KDM7A: variants seen among roughly 807,000 people sequenced by gnomAD.
KDM7A encodes the protein lysine demethylase 7A.
Under a neutral mutation model 114.8 loss-of-function variants are expected in KDM7A, and 28 were observed. The observed-to-expected ratio is 0.24, with a 90% confidence interval of 0.18 to 0.33. The LOEUF is 0.33. KDM7A is among the 10% of genes least tolerant of loss of function. The probability of loss-of-function intolerance (pLI) is 1.00; values close to 1 mark genes in which losing one functional copy is unlikely to be tolerated. For synonymous variants in KDM7A, 423 were observed against 397.8 expected (o/e 1.06, Z -0.75); for missense variants, 942 against 1,142.5 (o/e 0.82, Z 2.53).
At chr7:140,174,335 C>T (rs1166117627) in intron 1 of KDM7A, among the ~76,000 whole-genome samples, 1 of 152,172 alleles carries the variant, frequency 6.6e-6, no homozygotes, top group African/African-American at 2.4e-5. Flanking sequence ...TTTAGACTCA[C>T]TTCCACAGAT....
chr7:140,168,653 A>G (rs1279284392), intron 1 of KDM7A, among the ~76,000 whole-genome samples: 5 of 152,224 alleles, frequency 3.3e-5, no homozygotes, highest in Non-Finnish European at 7.4e-5. Context: ...GACATACATT[A>G]AAGTCAGGTG....
At chr7:140,100,683 TATATACATATATATATATATATATAC>T (rs1818192451) in intron 12 of KDM7A, among the ~76,000 whole-genome samples, 1 of 36,596 alleles carries the variant, frequency 2.7e-5, no homozygotes, top group Non-Finnish European at 5.2e-5. Context: ...TATATATACA[TATATACATATATATATATATATATAC>T]ACATATATAT....
intron 9 of KDM7A, among the ~76,000 whole-genome samples, chr7:140,115,484 A>G (rs1465376377): frequency 6.6e-6 from 1 of 152,184 alleles, no homozygotes; most frequent in African/African-American, 2.4e-5. Flanking sequence ...CTGTTAATCT[A>G]TGACCTTACC....
In KDM7A at chr7:140,087,709, G is replaced by A. The variant is rs1817952612; in HGVS notation, c.*3385C>T. 1 of 152,158 alleles carries A rather than the reference G, an allele frequency of 6.6e-6. No individual in the cohort carries two copies. The highest frequency in any genetic ancestry group is 1.5e-5 in the Non-Finnish European group (1 of 68,026). The allele number at this position is 152,158 out of a possible 1,614,324, so 9.4% of individuals were successfully genotyped here. On this transcript the variant is annotated 3_prime_UTR_variant, in exon 20 of 20. Coordinates refer to ENST00000397560, the MANE Select transcript of KDM7A (RefSeq NM_030647.2). ...CCTAAATGGCAGAACTTCGACAAAAGCCCAGGTCTTCTGCTTCCTTGCATG... is the reference window on the plus strand; with the variant it reads ...CCTAAATGGCAGAACTTCGACAAAAACCCAGGTCTTCTGCTTCCTTGCATG...
At chr7:140,106,055 A>G (rs1770456430) in intron 11 of KDM7A, among the ~76,000 whole-genome samples, 1 of 152,146 alleles carries the variant, frequency 6.6e-6, no homozygotes, top group Non-Finnish European at 1.5e-5. Context: ...TATTTCTTCT[A>G]GATTTTCTAG....
Position 140,090,983 on chromosome 7 carries a change from T to G in KDM7A, c.*111A>C, listed in dbSNP as rs1005429764. On this transcript the variant is annotated 3_prime_UTR_variant, in exon 20 of 20. Transcript: ENST00000397560. ...CAGGTTCATTCTGTTCTTCGGGCAGTGTTCTTACTATACACACAAACTGCT... is the reference window on the plus strand; with the variant it reads ...CAGGTTCATTCTGTTCTTCGGGCAGGGTTCTTACTATACACACAAACTGCT... 86 of 740,208 alleles carry G rather than the reference T, an allele frequency of 1.2e-4. 1 individual carries two copies. The East Asian group carries it at 1.9e-3, about 17-fold the overall frequency. The allele number at this position is 740,208 out of a possible 1,614,324, so 45.9% of individuals were successfully genotyped here. A position where few individuals can be genotyped will look rare whatever the true frequency, so the allele number is the denominator to read the frequency against.
intron 1 of KDM7A, among the ~76,000 whole-genome samples, chr7:140,139,570 G>A (rs547525086): frequency 6.6e-6 from 1 of 152,066 alleles, no homozygotes; most frequent in African/African-American, 2.4e-5. Flanking sequence ...TTTGTGGGAT[G>A]AAGCACTTGT....
intron 3 of KDM7A, among the ~76,000 whole-genome samples, chr7:140,131,213 G>T (rs1818781211): frequency 6.6e-6 from 1 of 151,990 alleles, no homozygotes. Flanking sequence ...AGAATGGTTG[G>T]ATCTCCAGTT....
In KDM7A at chr7:140,100,067, T is replaced by A. The variant is rs777921214; in HGVS notation, c.1639-44A>T. On this transcript the variant is annotated intron_variant, in intron 12 of 19. Transcript: ENST00000397560. ...AACTTACTTACCATCCACCCTCAGG[T>A]AGCCCTGTTCGACTGATGGAATACA... The A allele has an allele frequency of 1.9e-6, 3 of 1,610,378 alleles. No individual in the cohort carries two copies. In the Admixed American group the frequency reaches 5.0e-5, roughly 27 times the overall value.
In KDM7A at chr7:140,089,971, A is replaced by G. The variant is rs1187241914; in HGVS notation, c.*1123T>C. 1 of 152,228 alleles carries G rather than the reference A, an allele frequency of 6.6e-6. No homozygotes were observed. The highest frequency in any genetic ancestry group is 1.5e-5 in the Non-Finnish European group (1 of 68,042). The allele number at this position is 152,228 out of a possible 1,614,324, so 9.4% of individuals were successfully genotyped here. On this transcript the variant is annotated 3_prime_UTR_variant, in exon 20 of 20. Coordinates refer to ENST00000397560, the MANE Select transcript of KDM7A (RefSeq NM_030647.2). ...TACGGCTTATGATGCAGATTTGAATATCCTAAATAACATTTCCCAACAAAT... is the reference window on the plus strand; with the variant it reads ...TACGGCTTATGATGCAGATTTGAATGTCCTAAATAACATTTCCCAACAAAT...
At chr7:140,175,689 G>A (rs1206362824) in intron 1 of KDM7A, among the ~76,000 whole-genome samples, 1 of 152,180 alleles carries the variant, frequency 6.6e-6, no homozygotes, top group Non-Finnish European at 1.5e-5. Flanking sequence ...TCGGCGGCCT[G>A]GCTGCGGAGG....
intron 7 of KDM7A, among the ~76,000 whole-genome samples, chr7:140,121,211 TG>T (rs1305312004): frequency 6.6e-6 from 1 of 152,236 alleles, no homozygotes; most frequent in African/African-American, 2.4e-5. Context: ...AATGATATTT[TG>T]TATTCCCATA....
intron 1 of KDM7A, among the ~76,000 whole-genome samples, chr7:140,168,291 C>G (rs960413917): frequency 6.6e-6 from 1 of 152,104 alleles, no homozygotes; most frequent in African/African-American, 2.4e-5. Context: ...CAAGGTCGGG[C>G]GTGGTGGCTC....
In KDM7A at chr7:140,139,095, T is replaced by C. The variant is rs755817234; in HGVS notation, c.280+10A>G. The C allele has an allele frequency of 3.2e-6, 5 of 1,568,496 alleles. No individual in the cohort carries two copies. In the Admixed American group the frequency reaches 5.0e-5, roughly 16 times the overall value. On this transcript the variant is annotated intron_variant, in intron 2 of 19. Coordinates refer to ENST00000397560, the MANE Select transcript of KDM7A (RefSeq NM_030647.2). ...AAATGTCCATTTTTATTTAAGCATCTAGTACTTACTCAAGGAGGAACCATG... is the reference window on the plus strand; with the variant it reads ...AAATGTCCATTTTTATTTAAGCATCCAGTACTTACTCAAGGAGGAACCATG...
chr7:140,086,765 G>A lies in KDM7A; in HGVS notation c.*4329C>T, dbSNP rs1817934293. 1 of 152,084 alleles carries A rather than the reference G, an allele frequency of 6.6e-6. No individual in the cohort carries two copies. The highest frequency in any genetic ancestry group is 1.5e-5 in the Non-Finnish European group (1 of 68,038). 9.4% of individuals were successfully genotyped at this position (152,084 alleles called of 1,614,324 possible). A position where few individuals can be genotyped will look rare whatever the true frequency, so the allele number is the denominator to read the frequency against. ...AATCACTGTCCACTCTGGGTTACCT[G>A]TGTCTCCTTTATTTACCAGCGACAC... On this transcript the variant is annotated 3_prime_UTR_variant, in exon 20 of 20. Coordinates refer to ENST00000397560, the MANE Select transcript of KDM7A (RefSeq NM_030647.2).
chr7:140,148,762 A>G (rs1042007493), intron 1 of KDM7A, among the ~76,000 whole-genome samples: 2 of 152,214 alleles, frequency 1.3e-5, no homozygotes, highest in African/African-American at 4.8e-5. Flanking sequence ...GTAATGTATG[A>G]TTAAATTTGT....
rs766844912 is a variant in KDM7A at position 140,176,827 on chromosome 7, G to GGGCGGGGGC, written c.102_110dup (p.Pro35_Pro37dup). ...ACGGCTGCCGGCACACACAGTACAC[G>GGGCGGGGGC]GGCGGGGGCGGCGGAGGCGCCGAGG... is the stretch of plus-strand genomic sequence containing the variant. On this transcript the variant is annotated inframe_insertion, in exon 1 of 20. Transcript: ENST00000397560. The surrounding 1 kb of genome is among the most constrained non-coding windows in gnomAD (Gnocchi z 4.4). 12 of 1,344,382 alleles carry GGGCGGGGGC rather than the reference G, an allele frequency of 8.9e-6. No individual in the cohort carries two copies. The highest frequency in any genetic ancestry group is 1.7e-5 in the South Asian group (1 of 58,866). 83.3% of individuals were successfully genotyped at this position (1,344,382 alleles called of 1,614,324 possible).
At chr7:140,129,804 T>C in intron 3 of KDM7A, 151 bp from the exon 4 acceptor site, 1 of 590,310 alleles carries the variant, frequency 1.7e-6, no homozygotes, top group East Asian at 2.8e-5. Context: ...ACAAATGTTT[T>C]GTAAATCTCC....
Position 140,176,946 on chromosome 7 carries a change from A to AC in KDM7A, c.-10_-9insG, listed in dbSNP as rs1013128179. On this transcript the variant is annotated 5_prime_UTR_variant, in exon 1 of 20. Coordinates refer to ENST00000397560, the MANE Select transcript of KDM7A (RefSeq NM_030647.2). This position sits in a 1 kb window ranked among gnomAD's most constrained non-coding sequence, Gnocchi z 4.4. Reference sequence around the variant, plus strand: ...GCCGCCGCTCCGGCCATCTTTAAAAAACACACACACGCTCGCTCGCTACTC... The same window carrying AC: ...GCCGCCGCTCCGGCCATCTTTAAAAACACACACACACGCTCGCTCGCTACTC... The AC allele has an allele frequency of 2.4e-5, 27 of 1,144,940 alleles. No individual in the cohort carries two copies. The African/African-American group carries it at 4.5e-4, about 19-fold the overall frequency. The allele number at this position is 1,144,940 out of a possible 1,614,324, so 70.9% of individuals were successfully genotyped here.
Sources: gnomAD v4.1 joint callset for allele counts (sites outside exome capture counted in the v4.1 genomes callset) on GRCh38, gnomAD v4.1.1 for gene constraint, Gnocchi (gnomAD v3.1) non-coding constraint, MANE v1.5 for transcripts, NCBI Gene and HGNC (gene_info 2026-07-23, HGNC 2026-07-21) for gene names.